RABGAP1L: variants seen among roughly 807,000 people sequenced by gnomAD.
RABGAP1L encodes the protein rab GTPase-activating protein 1-like.
A neutral mutation model predicts 137.7 loss-of-function variants in RABGAP1L; 63 were observed. The observed-to-expected ratio is 0.46, with a 90% CI of 0.37 to 0.56. The LOEUF (loss-of-function observed/expected upper bound fraction) is 0.56, where lower values mean the gene tolerates loss of function less well. RABGAP1L is among the 20% of genes least tolerant of loss of function. The pLI, the probability that RABGAP1L is intolerant of heterozygous loss-of-function variation, is 0.00. For synonymous variants in RABGAP1L, 431 were observed against 433.7 expected (o/e 0.99, Z 0.08); for missense variants, 1,095 against 1,244.0 (o/e 0.88, Z 1.80).
chr1:174,472,681 C>G (rs191814134), intron 13 of RABGAP1L, among the ~76,000 whole-genome samples: 1 of 152,160 alleles, frequency 6.6e-6, no homozygotes. Flanking sequence ...AGAAGCTTGC[C>G]TGAGCCTAGG....
chr1:174,559,825 G>A (rs1667094281), intron 13 of RABGAP1L, among the ~76,000 whole-genome samples: 1 of 152,182 alleles, frequency 6.6e-6, no homozygotes, highest in African/African-American at 2.4e-5. Flanking sequence ...GAATAGAGCA[G>A]GCACATGTAT....
chr1:174,304,960 T>A (rs747646324), intron 10 of RABGAP1L, 26 bp from the exon 11 acceptor site: 7 of 1,499,998 alleles, frequency 4.7e-6, no homozygotes, highest in Non-Finnish European at 6.2e-6. Context: ...TTCTAATACT[T>A]AAATATACTG....
chr1:174,272,070 G>A (rs1222014806), intron 7 of RABGAP1L, among the ~76,000 whole-genome samples: 1 of 151,704 alleles, frequency 6.6e-6, no homozygotes, highest in African/African-American at 2.4e-5. Flanking sequence ...CTATATGTTT[G>A]GAATAAGTCT....
At chr1:174,460,992 A>G (rs1191180272) in intron 13 of RABGAP1L, among the ~76,000 whole-genome samples, 3 of 152,140 alleles carry the variant, frequency 2.0e-5, no homozygotes, top group African/African-American at 7.2e-5. Flanking sequence ...TTGTTATCTC[A>G]CAATTTACTC....
chr1:174,553,042 A>C (rs1437555056), intron 13 of RABGAP1L, among the ~76,000 whole-genome samples: 1 of 151,944 alleles, frequency 6.6e-6, no homozygotes, highest in African/African-American at 2.4e-5. Flanking sequence ...CTGGGAAGTA[A>C]CTGTTCATGT....
At chr1:174,415,915 A>G (rs972961059) in intron 13 of RABGAP1L, among the ~76,000 whole-genome samples, 1 of 151,670 alleles carries the variant, frequency 6.6e-6, no homozygotes, top group Non-Finnish European at 1.5e-5. Flanking sequence ...GGGATTCAAA[A>G]TGCTTATTGA....
chr1:174,946,268 T>G (rs890681096), intron 19 of RABGAP1L, among the ~76,000 whole-genome samples: 1 of 152,154 alleles, frequency 6.6e-6, no homozygotes. Flanking sequence ...GCTATGCATG[T>G]TGGCTAGATG....
chr1:174,942,507 C>T (rs1222740340), intron 19 of RABGAP1L, among the ~76,000 whole-genome samples: 2 of 152,210 alleles, frequency 1.3e-5, no homozygotes, highest in African/African-American at 2.4e-5. Context: ...TAAACCCAGA[C>T]TGCCTGGGTT....
chr1:174,824,437 G>T (rs1379005126), intron 19 of RABGAP1L, among the ~76,000 whole-genome samples: 2 of 152,134 alleles, frequency 1.3e-5, no homozygotes, highest in Non-Finnish European at 2.9e-5. Context: ...GGAGGTTTCA[G>T]TGAGCTGAGA....
intron 19 of RABGAP1L, among the ~76,000 whole-genome samples, chr1:174,869,600 A>C (rs1261601208): frequency 6.6e-6 from 1 of 152,172 alleles, no homozygotes; most frequent in Non-Finnish European, 1.5e-5. Context: ...AAACGGACTA[A>C]TACAGATGAG....
intron 4 of RABGAP1L, among the ~76,000 whole-genome samples, chr1:174,240,551 A>G (rs1435272909): frequency 6.6e-6 from 1 of 152,184 alleles, no homozygotes; most frequent in Non-Finnish European, 1.5e-5. Flanking sequence ...CCCAACCAGG[A>G]CTTAGGATTT....
chr1:174,666,950 G>A (rs1287125825), intron 14 of RABGAP1L, among the ~76,000 whole-genome samples: 1 of 144,474 alleles, frequency 6.9e-6, no homozygotes, highest in Non-Finnish European at 1.5e-5. Context: ...TATTTTCAAT[G>A]TTAGCATTCC....
At chr1:174,738,312 C>G (rs927548405) in intron 17 of RABGAP1L, among the ~76,000 whole-genome samples, 1 of 152,100 alleles carries the variant, frequency 6.6e-6, no homozygotes, top group South Asian at 2.1e-4. Context: ...AGTTTTGCTG[C>G]GATGAATTTC....
At chr1:174,981,123 G>A (rs910992263) in intron 23 of RABGAP1L, among the ~76,000 whole-genome samples, 7 of 151,968 alleles carry the variant, frequency 4.6e-5, no homozygotes, top group Admixed American at 2.6e-4. Flanking sequence ...GTAATCCTGG[G>A]GACTATTCTT....
At chr1:174,964,207 G>A (rs1213368239) in intron 20 of RABGAP1L, among the ~76,000 whole-genome samples, 1 of 152,162 alleles carries the variant, frequency 6.6e-6, no homozygotes, top group Non-Finnish European at 1.5e-5. Context: ...TGAGTGTGTT[G>A]TTGCTAATAA....
At chr1:174,544,415 T>C (rs907752313) in intron 13 of RABGAP1L, among the ~76,000 whole-genome samples, 3 of 152,230 alleles carry the variant, frequency 2.0e-5, no homozygotes, top group African/African-American at 4.8e-5. Flanking sequence ...GCGTGCATCA[T>C]GTAGTTCTCT....
At chr1:174,309,101 A>G (rs1049850389) in intron 11 of RABGAP1L, among the ~76,000 whole-genome samples, 15 of 151,976 alleles carry the variant, frequency 9.9e-5, no homozygotes, top group African/African-American at 3.6e-4. Context: ...CATGGGTTAA[A>G]TTTATTTCTA....
intron 21 of RABGAP1L, 81 bp downstream of exon 21, chr1:174,969,468 T>C: frequency 9.4e-7 from 1 of 1,068,878 alleles, no homozygotes; most frequent in Non-Finnish European, 1.4e-6. Flanking sequence ...ACAAACTTGC[T>C]TTGTTCTTGA....
chr1:174,918,437 A>G (rs1573820867), intron 19 of RABGAP1L, among the ~76,000 whole-genome samples: 1 of 152,186 alleles, frequency 6.6e-6, no homozygotes, highest in Non-Finnish European at 1.5e-5. Flanking sequence ...AAACCACCTC[A>G]AAACAGTGTC....
Sources: gnomAD v4.1 joint callset for allele counts (sites outside exome capture counted in the v4.1 genomes callset) on GRCh38, gnomAD v4.1.1 for gene constraint, MANE v1.5 for transcripts, NCBI Gene and HGNC (gene_info 2026-07-23, HGNC 2026-07-21) for gene names.